Variants in SLC24A4 observed in about 807,000 individuals in gnomAD.
The protein encoded by SLC24A4 is solute carrier family 24 member 4, also known as sodium/potassium/calcium exchanger 4.
A neutral mutation model predicts 79.0 loss-of-function variants in SLC24A4; 53 were observed. The observed-to-expected ratio is 0.67, with a 90% CI of 0.54 to 0.84. SLC24A4 has a LOEUF of 0.84. Among genes scored for constraint, SLC24A4 ranks in the 40% least tolerant of loss-of-function variants. The pLI, the probability that SLC24A4 is intolerant of heterozygous loss-of-function variation, is 0.00. For missense variants in SLC24A4, 731 were observed against 822.0 expected (o/e 0.89, Z 1.35); for synonymous variants, 323 against 323.8 (o/e 1.00, Z 0.03).
At chr14:92,438,133 G>A (rs1892278240) in intron 3 of SLC24A4, among the ~76,000 whole-genome samples, 1 of 152,162 alleles carries the variant, frequency 6.6e-6, no homozygotes, top group Non-Finnish European at 1.5e-5. Context: ...CCACAAGACT[G>A]CTTCTTTAGA....
chr14:92,369,784 C>T (rs4904882), intron 2 of SLC24A4, among the ~76,000 whole-genome samples: 117,284 of 152,104 alleles, frequency 0.77, 48,768 homozygotes, highest in East Asian at 0.95. Flanking sequence ...TGCTAGATGC[C>T]AATAGCATAC....
At chr14:92,462,033 T>G (rs1311169304) in intron 12 of SLC24A4, 1 of 152,232 alleles carries the variant, frequency 6.6e-6, no homozygotes, top group African/African-American at 2.4e-5. Context: ...GGAGGAATAT[T>G]ATCCTCATTT....
rs934781165 is a variant in SLC24A4, at chr14:92,496,245, G to A, written c.*2617G>A. The A allele has an allele frequency of 6.6e-6, 1 of 152,582 alleles. No individual in the cohort carries two copies. Among genetic ancestry groups the A allele is most frequent in the African/African-American group, 2.4e-5 (1 of 41,428 alleles). The allele number at this position is 152,582 out of a possible 1,614,324, so 9.5% of individuals were successfully genotyped here. Reference sequence around the variant, plus strand: ...AGGATCTATGCATTTATTAAATCTGGAAAACTATATGTACACTGTAGGTGG... The same window carrying A: ...AGGATCTATGCATTTATTAAATCTGAAAAACTATATGTACACTGTAGGTGG... On this transcript the variant is annotated 3_prime_UTR_variant, in exon 17 of 17. Transcript: ENST00000532405.
intron 2 of SLC24A4, among the ~76,000 whole-genome samples, chr14:92,352,721 G>T (rs889424139): frequency 6.6e-6 from 1 of 152,206 alleles, no homozygotes; most frequent in African/African-American, 2.4e-5. Flanking sequence ...TGAGGGTGGT[G>T]GCTGATGTCG....
intron 2 of SLC24A4, among the ~76,000 whole-genome samples, chr14:92,330,084 C>T (rs973391264): frequency 9.9e-5 from 15 of 152,078 alleles, no homozygotes; most frequent in Admixed American, 2.0e-4. Context: ...AGGTGGTGCT[C>T]GCTGGGCTGG....
intron 8 of SLC24A4, among the ~76,000 whole-genome samples, chr14:92,447,005 A>G (rs1465241720): frequency 6.6e-6 from 1 of 152,150 alleles, no homozygotes; most frequent in Non-Finnish European, 1.5e-5. Flanking sequence ...TTGGGTGATC[A>G]CAGGGTCTCT....
intron 13 of SLC24A4, chr14:92,484,329 T>C: frequency 1.0e-6 from 1 of 985,396 alleles, no homozygotes; most frequent in Non-Finnish European, 1.2e-6. Flanking sequence ...GTGAGTGTCC[T>C]TACTCATGCA....
intron 12 of SLC24A4, among the ~76,000 whole-genome samples, chr14:92,476,354 C>T (rs1894763213): frequency 6.6e-6 from 1 of 152,056 alleles, no homozygotes; most frequent in Admixed American, 6.5e-5. Context: ...CTACAAGCTA[C>T]AGAAAGGTGT....
At chr14:92,351,794 G>A (rs1196534449) in intron 2 of SLC24A4, among the ~76,000 whole-genome samples, 3 of 152,054 alleles carry the variant, frequency 2.0e-5, no homozygotes, top group Non-Finnish European at 4.4e-5. Context: ...AACCCAGGAA[G>A]CAGAGGTTGC....
At chr14:92,332,645 G>A (rs992850483) in intron 2 of SLC24A4, among the ~76,000 whole-genome samples, 3 of 152,116 alleles carry the variant, frequency 2.0e-5, no homozygotes, top group Non-Finnish European at 4.4e-5. Flanking sequence ...TTTATTCAAG[G>A]GTCAAAGGTA....
intron 2 of SLC24A4, among the ~76,000 whole-genome samples, chr14:92,330,566 A>G (rs1404177998): frequency 1.3e-5 from 2 of 152,246 alleles, no homozygotes; most frequent in African/African-American, 4.8e-5. Context: ...CTAGAGAACT[A>G]TCTGAGCTCA....
intron 4 of SLC24A4, among the ~76,000 whole-genome samples, chr14:92,439,839 C>T (rs1892394365): frequency 6.6e-6 from 1 of 152,198 alleles, no homozygotes; most frequent in African/African-American, 2.4e-5. Context: ...TCCCCTCTGT[C>T]CTGACCTTTG....
chr14:92,492,665 T>C (rs1383063263), intron 16 of SLC24A4, among the ~76,000 whole-genome samples: 2 of 152,080 alleles, frequency 1.3e-5, no homozygotes, highest in African/African-American at 4.8e-5. Flanking sequence ...CTTTATTCTA[T>C]CCTTACAACC....
At chr14:92,407,857 TTGTGTGTGTGTGTGTGTGTGTGTG>T (rs60398538) in intron 2 of SLC24A4, among the ~76,000 whole-genome samples, 4 of 143,588 alleles carry the variant, frequency 2.8e-5, no homozygotes, top group African/African-American at 1.0e-4. Flanking sequence ...CAGAGTGATA[TTGTGTGTGTGTGTGTGTGTGTGTG>T]TGTGTGTGTG....
At chr14:92,383,631 G>T (rs574308883) in intron 2 of SLC24A4, among the ~76,000 whole-genome samples, 1 of 152,154 alleles carries the variant, frequency 6.6e-6, no homozygotes, top group Non-Finnish European at 1.5e-5. Context: ...TTGCTAGACC[G>T]GTAACTTGCT....
At chr14:92,417,336 T>TA (rs1891034982) in intron 2 of SLC24A4, among the ~76,000 whole-genome samples, 1 of 151,894 alleles carries the variant, frequency 6.6e-6, no homozygotes, top group African/African-American at 2.4e-5. Flanking sequence ...TTTAAAAAGT[T>TA]AAAAACATTT....
Position 92,323,600 on chromosome 14 carries a change from A to AGCGCGCACGCG in SLC24A4, c.-224_-214dup, listed in dbSNP as rs1186380906. On this transcript the variant is annotated 5_prime_UTR_variant, in exon 1 of 17. It removes the in-frame stop codon of an upstream open reading frame in the 5' UTR. Transcript: ENST00000532405. The surrounding 1 kb of genome is among the most constrained non-coding windows in gnomAD (Gnocchi z 4.9). ...CTCGCCACGGAGCCATGGTGCGCGC[A>AGCGCGCACGCG]GCGCGCACGCGGCGCGCGGGACTCT... 5.1e-6 allele frequency: 2 copies of AGCGCGCACGCG among 389,156 alleles called. No homozygotes were observed. Among genetic ancestry groups the AGCGCGCACGCG allele is most frequent in the Non-Finnish European group, 9.0e-6 (2 of 223,234 alleles). 24.1% of individuals were successfully genotyped at this position (389,156 alleles called of 1,614,324 possible).
chr14:92,367,498 T>C (rs567913633), intron 2 of SLC24A4, among the ~76,000 whole-genome samples: 1 of 152,308 alleles, frequency 6.6e-6, no homozygotes, highest in Admixed American at 6.5e-5. Flanking sequence ...CCAAGGTTGG[T>C]CTCCGGCCTA....
chr14:92,498,525 G>T lies in SLC24A4; in HGVS notation c.*4897G>T, dbSNP rs1404567376. ...CTTTTTTTTTTTTTTTTGAGACAGGGTCTCGCTCTGTCGCCTAGACTCAGT... is the reference window on the plus strand; with the variant it reads ...CTTTTTTTTTTTTTTTTGAGACAGGTTCTCGCTCTGTCGCCTAGACTCAGT... On this transcript the variant is annotated 3_prime_UTR_variant, in exon 17 of 17. Coordinates refer to ENST00000532405, the MANE Select transcript of SLC24A4 (RefSeq NM_153646.4). The T allele has an allele frequency of 2.0e-5, 3 of 150,654 alleles. No homozygotes were observed. Among genetic ancestry groups the T allele is most frequent in the African/African-American group, 7.3e-5 (3 of 40,900 alleles). 9.3% of individuals were successfully genotyped at this position (150,654 alleles called of 1,614,324 possible).
Sources: allele counts gnomAD v4.1 joint callset (sites outside exome capture counted in the v4.1 genomes callset), GRCh38; gene constraint gnomAD v4.1.1; non-coding constraint Gnocchi (gnomAD v3.1); transcripts MANE v1.5; gene names NCBI Gene and HGNC (gene_info 2026-07-23, HGNC 2026-07-21).